The following SYNE1 variants were observed in gnomAD, a reference collection of about 807,000 sequenced individuals.
The protein encoded by SYNE1 is spectrin repeat containing nuclear envelope protein 1, also known as nesprin-1.
A neutral mutation model predicts 1,111.0 loss-of-function variants in SYNE1; 616 were observed. The ratio of observed to expected loss-of-function variants is 0.55; its 90% CI spans 0.52 to 0.59. The LOEUF is 0.59. Among genes scored for constraint, SYNE1 ranks in the 20% least tolerant of loss-of-function variants. The pLI is 0.00. For synonymous variants in SYNE1, 3,855 were observed against 3,825.8 expected, an observed-to-expected ratio of 1.01 and a Z score of -0.28; for missense variants, 10,006 against 10,417.0, an observed-to-expected ratio of 0.96 and a Z score of 1.72.
chr6:152,306,256 T>C (rs750944900), intron 91 of SYNE1, among the ~76,000 whole-genome samples: 2 of 151,986 alleles, frequency 1.3e-5, no homozygotes, highest in Non-Finnish European at 2.9e-5. Flanking sequence ...GAGGCCAAGG[T>C]AGATGGATCA....
intron 11 of SYNE1, among the ~76,000 whole-genome samples, chr6:152,488,882 C>G (rs2154301067): frequency 6.6e-6 from 1 of 152,228 alleles, no homozygotes; most frequent in African/African-American, 2.4e-5. Flanking sequence ...GAAGACAGTT[C>G]TAGATGGGAT....
In SYNE1 at chr6:152,244,568, T is replaced by A; in HGVS notation, c.19661A>T (p.Gln6554Leu). 6.2e-7 allele frequency: 1 copy of A among 1,614,150 alleles called. No individual in the cohort carries two copies. The highest frequency in any genetic ancestry group is 8.5e-7 in the Non-Finnish European group (1 of 1,179,976). Residue 6554 changes from glutamine to leucine, a missense_variant, in exon 106 of 146, where the codon CAG becomes CTG. Transcript: ENST00000367255. ...KRRGDKLQVE[Q>L]PSMQELSKLQ... is the part of the protein sequence containing the mutation. Reference sequence around the variant, plus strand: ...CTTGGAGAGTTCTTGCATGGACGGCTGCTCGACCTGTAGCTTGTCACCACG... The same window carrying A: ...CTTGGAGAGTTCTTGCATGGACGGCAGCTCGACCTGTAGCTTGTCACCACG...
intron 98 of SYNE1, among the ~76,000 whole-genome samples, chr6:152,272,508 G>A (rs1261514456): frequency 2.0e-5 from 3 of 152,156 alleles, no homozygotes; most frequent in Admixed American, 1.3e-4. Flanking sequence ...ATTTTATGGG[G>A]CAATCTCTCT....
intron 25 of SYNE1, among the ~76,000 whole-genome samples, chr6:152,451,864 T>C (rs2098654056): frequency 6.6e-6 from 1 of 152,124 alleles, no homozygotes; most frequent in Non-Finnish European, 1.5e-5. Flanking sequence ...GATTTTACCA[T>C]AGATTTAAAT....
chr6:152,354,402 T>A (rs1291380942), intron 67 of SYNE1, among the ~76,000 whole-genome samples: 1 of 152,182 alleles, frequency 6.6e-6, no homozygotes, highest in Non-Finnish European at 1.5e-5. Context: ...CATTCATGTA[T>A]CTTCACAAAA....
intron 11 of SYNE1, among the ~76,000 whole-genome samples, chr6:152,489,842 A>G (rs1446233125): frequency 6.6e-6 from 1 of 152,114 alleles, no homozygotes; most frequent in African/African-American, 2.4e-5. Context: ...AAAAACACAA[A>G]TTGCTGGGCA....
intron 108 of SYNE1, 141 bp from the exon 109 acceptor site, chr6:152,237,089 C>T (rs2084299621): frequency 1.4e-5 from 16 of 1,145,346 alleles, no homozygotes; most frequent in Non-Finnish European, 1.6e-5. Context: ...CTTTGGGAAG[C>T]AAAAGATGGC....
At chr6:152,320,298 T>C (rs2095841664) in intron 84 of SYNE1, 2 of 152,366 alleles carry the variant, frequency 1.3e-5, no homozygotes, top group South Asian at 4.1e-4. Context: ...AAAGTCATGA[T>C]GCAGTAGGAT....
chr6:152,548,217 C>T (rs2099324024), intron 3 of SYNE1, among the ~76,000 whole-genome samples: 1 of 152,174 alleles, frequency 6.6e-6, no homozygotes, highest in African/African-American at 2.4e-5. Context: ...AGGAAGCCAG[C>T]TTTCACTGAA....
At chr6:152,521,483 C>T (rs1294955179) in intron 5 of SYNE1, among the ~76,000 whole-genome samples, 1 of 152,098 alleles carries the variant, frequency 6.6e-6, no homozygotes, top group Admixed American at 6.6e-5. Context: ...AAAAATAATC[C>T]TGCTAATCTG....
At chr6:152,543,438 C>T (rs1209103190) in intron 3 of SYNE1, among the ~76,000 whole-genome samples, 1 of 152,168 alleles carries the variant, frequency 6.6e-6, no homozygotes, top group African/African-American at 2.4e-5. Flanking sequence ...GAAAACCTTA[C>T]TCCCAAGATT....
At position 152,363,270 on chromosome 6, in the gene SYNE1, G is replaced by A. The variant is rs1281673394; in HGVS notation, c.10146-947C>T. On this transcript the variant is annotated intron_variant, in intron 63 of 145. Coordinates refer to ENST00000367255, the MANE Select transcript of SYNE1 (RefSeq NM_182961.4). ...AGCACTTTGGGAGGCCAAGGCGGGT[G>A]GATCACGAGGTCAGGAGATCAAGGC... Among the ~76,000 whole-genome samples, 456 of 148,136 alleles carry A rather than the reference G, an allele frequency of 3.1e-3. 1 individual carries two copies. The highest frequency in any genetic ancestry group is 4.9e-3 in the Non-Finnish European group (329 of 66,712).
chr6:152,390,899 A>G (rs1237583518), intron 52 of SYNE1, among the ~76,000 whole-genome samples: 1 of 152,094 alleles, frequency 6.6e-6, no homozygotes, highest in Non-Finnish European at 1.5e-5. Flanking sequence ...TGGCCCCTAC[A>G]CACGGACTGT....
chr6:152,334,374 C>T (rs2096328685), intron 76 of SYNE1, 101 bp from the exon 77 acceptor site: 3 of 1,325,160 alleles, frequency 2.3e-6, no homozygotes, highest in Non-Finnish European at 3.1e-6. Context: ...CTCTAAGTTC[C>T]TTAATATGAA....
intron 127 of SYNE1, 122 bp downstream of exon 127, chr6:152,201,702 G>T: frequency 6.9e-7 from 1 of 1,457,870 alleles, no homozygotes; most frequent in Non-Finnish European, 9.6e-7. Context: ...CTGTCCTTAT[G>T]TCATATACTA....
intron 4 of SYNE1, among the ~76,000 whole-genome samples, chr6:152,532,885 A>T (rs1265977236): frequency 6.6e-6 from 1 of 152,168 alleles, no homozygotes; most frequent in Non-Finnish European, 1.5e-5. Context: ...AGCAAGTTAA[A>T]CAACAGTAAT....
In SYNE1 at chr6:152,236,211, A is replaced by G. The variant is rs73619386; in HGVS notation, c.20292T>C (p.Asp6764=). The change falls in exon 110 of 146, where the codon GAT becomes GAC. Residue 6764 remains aspartate (D), a synonymous_variant. Coordinates refer to ENST00000367255, the MANE Select transcript of SYNE1 (RefSeq NM_182961.4). Reference sequence around the variant, plus strand: ...CAAGTTGATTTAGTTGGCTTTCTAGATCTGAGCAGCTGATGGATATCAGAA... The same window carrying G: ...CAAGTTGATTTAGTTGGCTTTCTAGGTCTGAGCAGCTGATGGATATCAGAA... The part of the protein sequence containing the change: ...KRLLISISCS[D]LESQLNQLGE... 2.7e-4 allele frequency: 428 copies of G among 1,614,180 alleles called. 1 individual carries two copies. In the African/African-American group the frequency reaches 5.2e-3, roughly 20 times the overall value.
chr6:152,304,104 G>A (rs543902834), intron 91 of SYNE1, among the ~76,000 whole-genome samples: 1 of 152,150 alleles, frequency 6.6e-6, no homozygotes, highest in African/African-American at 2.4e-5. Flanking sequence ...TACCTCTGGG[G>A]ATGCAGTTAA....
chr6:152,449,538 C>T lies in SYNE1; in HGVS notation c.3499G>A (p.Val1167Ile), dbSNP rs142734877. 8.7e-6 allele frequency: 14 copies of T among 1,612,692 alleles called. No homozygotes were observed. Among genetic ancestry groups the T allele is most frequent in the East Asian group, 4.5e-5 (2 of 44,876 alleles). ...TANHGEVKRAVEEIRNGVTKR... is the reference protein window; with the variant it reads ...TANHGEVKRAIEEIRNGVTKR... ...AATAATGACCCTGAACTTACTTCAA[C>T]GGCACGTTTAACCTCTCCGTGGTTG... The change falls in exon 28 of 146, where the codon GTT (valine) becomes ATT (isoleucine). Residue 1167 changes from valine to isoleucine, a missense_variant. Coordinates refer to ENST00000367255, the MANE Select transcript of SYNE1 (RefSeq NM_182961.4).
Sources: gnomAD v4.1 joint callset for allele counts (sites outside exome capture counted in the v4.1 genomes callset) on GRCh38, gnomAD v4.1.1 for gene constraint, MANE v1.5 for transcripts, NCBI Gene and HGNC (gene_info 2026-07-23, HGNC 2026-07-21) for gene names.